The following DAB1 variants were observed in gnomAD, a reference collection of about 807,000 sequenced individuals.
DAB1 encodes disabled homolog 1.
A neutral mutation model predicts 64.6 loss-of-function variants in DAB1; 15 were observed. The ratio of observed to expected loss-of-function variants is 0.23; its 90% confidence interval spans 0.16 to 0.36. The LOEUF is 0.36. Among genes scored for constraint, DAB1 ranks in the 10% least tolerant of loss-of-function variants. The pLI, the probability that DAB1 is intolerant of heterozygous loss-of-function variation, is 1.00. For missense variants in DAB1, 596 were observed against 706.7 expected, an observed-to-expected ratio of 0.84 and a Z score of 1.78; for synonymous variants, 235 against 251.9, an observed-to-expected ratio of 0.93 and a Z score of 0.64.
chr1:58,337,876 T>C (rs932566907), intron 4 of DAB1, among the ~76,000 whole-genome samples: 1 of 152,118 alleles, frequency 6.6e-6, no homozygotes, highest in Non-Finnish European at 1.5e-5. Context: ...GTTTCAGTCA[T>C]GCAAAATGAA....
intron 5 of DAB1, among the ~76,000 whole-genome samples, chr1:57,938,327 C>G (rs754304065): frequency 5.9e-5 from 9 of 152,174 alleles, no homozygotes; most frequent in Non-Finnish European, 1.2e-4. Flanking sequence ...GGATCACATT[C>G]GTCCCTATTA....
chr1:57,613,347 G>A (rs1282674290), intron 7 of DAB1, among the ~76,000 whole-genome samples: 4 of 152,152 alleles, frequency 2.6e-5, no homozygotes, highest in African/African-American at 9.7e-5. Flanking sequence ...CTACCCATGA[G>A]GCACTGAGAG....
At chr1:57,337,279 C>T (rs1677159046) in intron 1 of DAB1, among the ~76,000 whole-genome samples, 2 of 152,214 alleles carry the variant, frequency 1.3e-5, no homozygotes, top group South Asian at 4.1e-4. Context: ...TTATAAAGCT[C>T]TCTATGAACT....
chr1:58,132,625 A>G (rs1388517539), intron 5 of DAB1, among the ~76,000 whole-genome samples: 1 of 152,192 alleles, frequency 6.6e-6, no homozygotes, highest in Non-Finnish European at 1.5e-5. Context: ...AAGGAGCTGA[A>G]GGAGCATCTC....
intron 2 of DAB1, among the ~76,000 whole-genome samples, chr1:58,506,905 C>G (rs1645998440): frequency 6.6e-6 from 1 of 151,870 alleles, no homozygotes; most frequent in African/African-American, 2.4e-5. Flanking sequence ...TACATTAGTA[C>G]TTTTTAAAAG....
intron 5 of DAB1, among the ~76,000 whole-genome samples, chr1:57,965,646 G>A (rs566557361): frequency 9.9e-5 from 15 of 152,248 alleles, no homozygotes; most frequent in African/African-American, 2.9e-4. Context: ...AGCATCCACA[G>A]TTTGGAAGCC....
intron 7 of DAB1, among the ~76,000 whole-genome samples, chr1:57,492,264 C>T (rs897899373): frequency 2.0e-5 from 3 of 152,208 alleles, no homozygotes; most frequent in Non-Finnish European, 2.9e-5. Context: ...ATTCAGAGGG[C>T]TTTGGAATTT....
intron 4 of DAB1, chr1:58,228,856 C>T (rs914021064): frequency 6.7e-6 from 4 of 601,312 alleles, no homozygotes; most frequent in Non-Finnish European, 1.3e-5. Context: ...GAGCTCAGCA[C>T]CAGCAGGACA....
At chr1:57,393,860 A>G (rs987443841) in intron 1 of DAB1, among the ~76,000 whole-genome samples, 1 of 152,132 alleles carries the variant, frequency 6.6e-6, no homozygotes, top group Non-Finnish European at 1.5e-5. Flanking sequence ...GGTCAAAAAT[A>G]TTTACTATCT....
At chr1:57,904,507 G>C (rs961851047) in intron 5 of DAB1, among the ~76,000 whole-genome samples, 1 of 152,058 alleles carries the variant, frequency 6.6e-6, no homozygotes, top group African/African-American at 2.4e-5. Flanking sequence ...AAACCAACAA[G>C]AAAACTGAAA....
At chr1:58,470,052 T>C (rs1233369240) in intron 3 of DAB1, among the ~76,000 whole-genome samples, 1 of 151,926 alleles carries the variant, frequency 6.6e-6, no homozygotes, top group Non-Finnish European at 1.5e-5. Context: ...GAGGCCATTC[T>C]TCCCATTTGA....
At chr1:57,348,984 T>A (rs1437488023) in intron 1 of DAB1, among the ~76,000 whole-genome samples, 1 of 152,038 alleles carries the variant, frequency 6.6e-6, no homozygotes, top group Non-Finnish European at 1.5e-5. Context: ...AGAACCAACA[T>A]AAAATTCAAG....
chr1:57,932,011 T>C (rs1414538368), intron 5 of DAB1, among the ~76,000 whole-genome samples: 1 of 152,174 alleles, frequency 6.6e-6, no homozygotes, highest in Non-Finnish European at 1.5e-5. Flanking sequence ...AAGCACAGCT[T>C]TCACCGCAAC....
At chr1:57,914,006 A>T (rs1308018069) in intron 5 of DAB1, among the ~76,000 whole-genome samples, 1 of 152,194 alleles carries the variant, frequency 6.6e-6, no homozygotes, top group Non-Finnish European at 1.5e-5. Context: ...GGGACTGTAA[A>T]CCAGTTCAAC....
chr1:58,257,985 T>C (rs1217082033), intron 4 of DAB1, among the ~76,000 whole-genome samples: 1 of 152,146 alleles, frequency 6.6e-6, no homozygotes, highest in East Asian at 1.9e-4. Flanking sequence ...AGATGAAGAC[T>C]TGCTTATTTG....
chr1:58,323,263 T>C (rs868798820), intron 4 of DAB1, among the ~76,000 whole-genome samples: 1 of 147,062 alleles, frequency 6.8e-6, no homozygotes, highest in East Asian at 2.1e-4. Flanking sequence ...ATAATAATAA[T>C]AATAAAATAT....
intron 7 of DAB1, among the ~76,000 whole-genome samples, chr1:57,534,148 G>A (rs1250123674): frequency 6.6e-6 from 1 of 152,136 alleles, no homozygotes; most frequent in Non-Finnish European, 1.5e-5. Context: ...ATCCAGGAGT[G>A]CTCTGAAATG....
At chr1:58,230,893 G>A (rs1317154748) in intron 4 of DAB1, among the ~76,000 whole-genome samples, 1 of 152,212 alleles carries the variant, frequency 6.6e-6, no homozygotes, top group Non-Finnish European at 1.5e-5. Context: ...AGTATGGCAT[G>A]ATGGTTAAGG....
intron 7 of DAB1, among the ~76,000 whole-genome samples, chr1:57,646,254 C>CA (rs1646190094): frequency 6.6e-6 from 1 of 152,014 alleles, no homozygotes; most frequent in Non-Finnish European, 1.5e-5. Flanking sequence ...CAAAACAAAA[C>CA]AAAAAACCCA....
Sources: allele counts gnomAD v4.1 joint callset (sites outside exome capture counted in the v4.1 genomes callset), GRCh38; gene constraint gnomAD v4.1.1; transcripts MANE v1.5; gene names NCBI Gene and HGNC (gene_info 2026-07-23, HGNC 2026-07-21).